UTP4: variants seen among roughly 807,000 people sequenced by gnomAD.
UTP4 encodes the protein U3 small nucleolar RNA-associated protein 4 homolog.
In UTP4, 45 loss-of-function variants were observed where a neutral mutation model predicts 82.4. The ratio of observed to expected loss-of-function variants is 0.55; its 90% CI spans 0.43 to 0.70. The LOEUF (loss-of-function observed/expected upper bound fraction) is 0.70. UTP4 is among the 30% of genes least tolerant of loss of function. The pLI, the probability that UTP4 is intolerant of heterozygous loss-of-function variation, is 0.00. For synonymous variants in UTP4, 348 were observed against 300.3 expected (o/e 1.16, Z -1.64); for missense variants, 819 against 858.3 (o/e 0.95, Z 0.57).
At position 69,150,714 on chromosome 16, in the gene UTP4, T is replaced by G. The variant is rs768518494; in HGVS notation, c.910+6T>G. The G allele has an allele frequency of 6.2e-7, 1 of 1,614,156 alleles. No homozygotes were observed. Among genetic ancestry groups the G allele is most frequent in the Non-Finnish European group, 8.5e-7 (1 of 1,180,010 alleles). On this transcript the variant is annotated splice_donor_region_variant and intron_variant, in intron 7 of 16. Coordinates refer to ENST00000314423, the MANE Select transcript of UTP4 (RefSeq NM_032830.3). ...AACAGCGCTGATATCTGGAGGTGGGTTCCCCCTCTGGTGAGGCTGCTGCTT... is the reference window on the plus strand; with the variant it reads ...AACAGCGCTGATATCTGGAGGTGGGGTCCCCCTCTGGTGAGGCTGCTGCTT...
intron 9 of UTP4, 39 bp from the exon 10 acceptor site, chr16:69,154,354 C>G (rs528665197): frequency 2.7e-6 from 4 of 1,500,268 alleles, no homozygotes; most frequent in Admixed American, 1.7e-5. Context: ...AATACTCTTT[C>G]TTTCATAAGA....
chr16:69,150,430 TG>T, intron 6 of UTP4, 106 bp from the exon 7 acceptor site: 2 of 1,214,798 alleles, frequency 1.6e-6, no homozygotes, highest in Non-Finnish European at 2.4e-6. Context: ...CTACTGATTC[TG>T]GGCATAGGTT....
rs371799872 is a variant in UTP4 at position 69,162,576 on chromosome 16, G to A, written c.1552-507G>A. On this transcript the variant is annotated intron_variant, in intron 13 of 16. Transcript: ENST00000314423. Reference sequence around the variant, plus strand: ...AAAATACAAAAATTAGCCAGGCATGGTGGTGGGTGCCTGTAATCCCAGCTG... The same window carrying A: ...AAAATACAAAAATTAGCCAGGCATGATGGTGGGTGCCTGTAATCCCAGCTG... 5.9e-5 allele frequency among the ~76,000 whole-genome samples: 9 copies of A among 152,180 alleles called. No homozygotes were observed. The East Asian group carries it at 1.4e-3, about 23-fold the overall frequency.
At chr16:69,138,223 GTTCTT>G (rs1962862044) in intron 4 of UTP4, among the ~76,000 whole-genome samples, 1 of 148,646 alleles carries the variant, frequency 6.7e-6, no homozygotes, top group South Asian at 2.1e-4. Flanking sequence ...AGGAACTATG[GTTCTT>G]TTCTTTCTTT....
At chr16:69,143,429 T>C (rs1963023730) in intron 6 of UTP4, 40 bp downstream of exon 6, 2 of 1,573,304 alleles carry the variant, frequency 1.3e-6, no homozygotes, top group Non-Finnish European at 1.7e-6. Flanking sequence ...ATGTACACCC[T>C]TGTGGGGTGA....
chr16:69,155,651 A>G (rs532716760), intron 10 of UTP4, among the ~76,000 whole-genome samples: 3 of 152,282 alleles, frequency 2.0e-5, no homozygotes, highest in African/African-American at 7.2e-5. Context: ...GGGCCAAAAT[A>G]AGAATAGACC....
rs768521106 is a variant in UTP4 at position 69,167,129 on chromosome 16, T to C, written c.1888T>C (p.Ser630Pro). 34 of 1,613,944 alleles carry C rather than the reference T, an allele frequency of 2.1e-5. No homozygotes were observed. Among genetic ancestry groups the C allele is most frequent in the Admixed American group, 1.2e-4 (7 of 59,990 alleles). The change falls in exon 16 of 17, where the codon TCA becomes CCA. Residue 630 changes from serine (S) to proline (P), a missense_variant. By Grantham distance (74) the Ser-to-Pro change is moderately conservative. Coordinates refer to ENST00000314423, the MANE Select transcript of UTP4 (RefSeq NM_032830.3). ...LYNPFPPTNE[S>P]DVIRRRTAHA... ...CAATCCATTTCCTCCCACGAATGAA[T>C]CAGATGTCATCCGGAGGCGCACAGC...
At chr16:69,163,407 T>G (rs1963614409) in intron 14 of UTP4, among the ~76,000 whole-genome samples, 1 of 152,134 alleles carries the variant, frequency 6.6e-6, no homozygotes, top group Non-Finnish European at 1.5e-5. Context: ...GATTCTAGAG[T>G]AAAGAATCAC....
At position 69,155,935 on chromosome 16, in the gene UTP4, T is replaced by C. The variant is rs1193861548; in HGVS notation, c.1229T>C (p.Val410Ala). 1 of 1,613,956 alleles carries C rather than the reference T, an allele frequency of 6.2e-7. No homozygotes were observed. ...PCGSWIAYSTVSRFFLYRLNY... is the reference protein window; with the variant it reads ...PCGSWIAYSTASRFFLYRLNY... ...GGAAGTTGGATAGCCTATTCTACAG[T>C]TTCTCGGTTTTTTCTCTATCGGCTG... The change falls in exon 11 of 17, where the codon GTT becomes GCT. Residue 410 changes from valine to alanine, a missense_variant. By Grantham distance (64) the Val-to-Ala change is moderately conservative. Coordinates refer to ENST00000314423, the MANE Select transcript of UTP4 (RefSeq NM_032830.3).
intron 11 of UTP4, among the ~76,000 whole-genome samples, chr16:69,156,803 A>G (rs893551704): frequency 5.9e-5 from 9 of 152,336 alleles, no homozygotes; most frequent in African/African-American, 2.2e-4. Flanking sequence ...GTATGTTCTT[A>G]GAGGGATAGG....
intron 9 of UTP4, 34 bp from the exon 10 acceptor site, chr16:69,154,359 A>G (rs369518930): frequency 5.7e-5 from 87 of 1,528,784 alleles, no homozygotes; most frequent in Middle Eastern, 1.7e-4. Flanking sequence ...TCTTTCTTTC[A>G]TAAGAAAAAT....
chr16:69,154,877 C>T (rs1320459244), intron 10 of UTP4, among the ~76,000 whole-genome samples: 1 of 152,120 alleles, frequency 6.6e-6, no homozygotes, highest in African/African-American at 2.4e-5. Context: ...TACATGCATG[C>T]GCCACCACGC....
In UTP4 at chr16:69,133,323, A is replaced by G. The variant is rs145442470; in HGVS notation, c.-2-135A>G. 215 of 818,006 alleles carry G rather than the reference A, an allele frequency of 2.6e-4. No individual in the cohort carries two copies. In the East Asian group the frequency reaches 5.6e-3, roughly 21 times the overall value. The allele number at this position is 818,006 out of a possible 1,614,324, so 50.7% of individuals were successfully genotyped here. A position where few individuals can be genotyped will look rare whatever the true frequency, so the allele number is the denominator to read the frequency against. Reference sequence around the variant, plus strand: ...AATTCTTGTGGGGGGCATTGTTAGCAGCCATTTGGAAATGAACTTCAGGGA... The same window carrying G: ...AATTCTTGTGGGGGGCATTGTTAGCGGCCATTTGGAAATGAACTTCAGGGA... On this transcript the variant is annotated intron_variant, in intron 1 of 16. Transcript: ENST00000314423.
intron 12 of UTP4, among the ~76,000 whole-genome samples, 177 bp from the exon 13 acceptor site, chr16:69,160,179 G>A (rs1963527551): frequency 1.3e-5 from 2 of 152,142 alleles, no homozygotes; most frequent in South Asian, 4.1e-4. Context: ...GGTTAAATAA[G>A]TAGATGAAAA....
chr16:69,133,014 T>C lies in UTP4; in HGVS notation c.-3+325T>C, dbSNP rs1597129302. The C allele has an allele frequency of 1.1e-5, 3 of 263,310 alleles. No homozygotes were observed. In the East Asian group the frequency reaches 3.3e-4, roughly 29 times the overall value. The allele number at this position is 263,310 out of a possible 1,614,324, so 16.3% of individuals were successfully genotyped here. ...CGGGCGTCGGGGGGACGGGGTAGGGTAAGTGACAGACGTCAGACCAGGCAG... is the reference window on the plus strand; with the variant it reads ...CGGGCGTCGGGGGGACGGGGTAGGGCAAGTGACAGACGTCAGACCAGGCAG... On this transcript the variant is annotated intron_variant, in intron 1 of 16. Coordinates refer to ENST00000314423, the MANE Select transcript of UTP4 (RefSeq NM_032830.3).
chr16:69,140,116 G>A (rs543246693), intron 5 of UTP4, among the ~76,000 whole-genome samples: 84 of 152,256 alleles, frequency 5.5e-4, no homozygotes, highest in Middle Eastern at 3.4e-3. Flanking sequence ...TCTTCAGTAA[G>A]ATATAGTATT....
At chr16:69,147,717 C>G (rs771682555) in intron 6 of UTP4, among the ~76,000 whole-genome samples, 1 of 152,002 alleles carries the variant, frequency 6.6e-6, no homozygotes, top group East Asian at 1.9e-4. Context: ...TTTCATACGT[C>G]CCTGATACAC....
At chr16:69,139,270 G>A (rs549224127) in intron 4 of UTP4, among the ~76,000 whole-genome samples, 1 of 152,014 alleles carries the variant, frequency 6.6e-6, no homozygotes, top group South Asian at 2.1e-4. Context: ...CCCGGCCTGG[G>A]TGTTCTTTCT....
intron 6 of UTP4, among the ~76,000 whole-genome samples, chr16:69,144,034 C>T (rs1033335261): frequency 6.6e-6 from 1 of 151,508 alleles, no homozygotes; most frequent in East Asian, 1.9e-4. Context: ...ATTACAGGCC[C>T]CTGTCACCAC....
Sources: gnomAD v4.1 joint callset for allele counts (sites outside exome capture counted in the v4.1 genomes callset) on GRCh38, gnomAD v4.1.1 for gene constraint, MANE v1.5 for transcripts, NCBI Gene and HGNC (gene_info 2026-07-23, HGNC 2026-07-21) for gene names.